The following EVL variants were observed in gnomAD, a reference collection of about 807,000 sequenced individuals.
EVL encodes Enah/Vasp-like.
In EVL, 21 loss-of-function variants were observed where a neutral mutation model predicts 59.6. That is an observed-to-expected ratio of 0.35 (90% CI 0.25 to 0.51). The LOEUF (loss-of-function observed/expected upper bound fraction) is 0.51, where lower values mean the gene tolerates loss of function less well. EVL is among the 20% of genes least tolerant of loss of function. EVL has a pLI of 0.97. For synonymous variants in EVL, 198 were observed against 203.5 expected (o/e 0.97, Z 0.23); for missense variants, 462 against 546.6 (o/e 0.85, Z 1.54).
intron 3 of EVL, among the ~76,000 whole-genome samples, chr14:100,121,548 C>T (rs1264536904): frequency 6.6e-6 from 1 of 152,234 alleles, no homozygotes; most frequent in Non-Finnish European, 1.5e-5. Context: ...CAAGTGTTAT[C>T]CTTTCCTGCT....
intron 1 of EVL, among the ~76,000 whole-genome samples, chr14:99,980,363 T>A (rs1222487175): frequency 1.3e-5 from 2 of 152,220 alleles, no homozygotes; most frequent in Non-Finnish European, 2.9e-5. Flanking sequence ...TGCATGGTTG[T>A]GGCTGGTAAT....
chr14:100,048,981 G>A (rs930792154), intron 1 of EVL, among the ~76,000 whole-genome samples: 2 of 152,174 alleles, frequency 1.3e-5, no homozygotes, highest in African/African-American at 4.8e-5. Flanking sequence ...GAGCTTGGGA[G>A]TGATGGCACT....
intron 2 of EVL, among the ~76,000 whole-genome samples, chr14:100,091,451 A>G (rs538235009): frequency 1.3e-5 from 2 of 152,306 alleles, no homozygotes; most frequent in East Asian, 3.9e-4. Flanking sequence ...ACAGTGGTCA[A>G]TCGTACCCAT....
chr14:100,096,868 G>A (rs1885849331), intron 2 of EVL: 3 of 152,172 alleles, frequency 2.0e-5, no homozygotes, highest in Admixed American at 6.5e-5. Context: ...TTTTGATTGA[G>A]TAATAAGATA....
intron 1 of EVL, among the ~76,000 whole-genome samples, chr14:100,046,487 C>T (rs1404741321): frequency 3.3e-5 from 5 of 152,022 alleles, no homozygotes; most frequent in South Asian, 2.1e-4. Flanking sequence ...GCTGACATGG[C>T]GAAACCCTCT....
rs143796115 is a variant in EVL at position 100,054,520 on chromosome 14, G to A, written c.6-30167G>A. Among the ~76,000 whole-genome samples the A allele has an allele frequency of 1.6e-3, 248 of 152,160 alleles. 1 individual carries two copies. The highest frequency in any genetic ancestry group is 5.6e-3 in the African/African-American group (232 of 41,490). Reference sequence around the variant, plus strand: ...CCCAGCCACTTCCTTTATCTGATGCGCACACACCAAGCCAATATTTCCCCT... The same window carrying A: ...CCCAGCCACTTCCTTTATCTGATGCACACACACCAAGCCAATATTTCCCCT... On this transcript the variant is annotated intron_variant, in intron 1 of 13. Coordinates refer to the EVL transcript ENST00000402714.
In EVL at chr14:100,127,864, C is replaced by T. The variant is rs1888178193; in HGVS notation, c.488-655C>T. ...AGTCCTCCATCTGCGTTTACCTCTGCGATTCGTTGACTGTTCCTCATAGGC... is the reference window on the plus strand; with the variant it reads ...AGTCCTCCATCTGCGTTTACCTCTGTGATTCGTTGACTGTTCCTCATAGGC... On this transcript the variant is annotated intron_variant, in intron 5 of 13. Coordinates refer to ENST00000392920, the MANE Select transcript of EVL (RefSeq NM_016337.3). The surrounding 1 kb of genome is among the most constrained non-coding windows in gnomAD (Gnocchi z 4.2). Among the ~76,000 whole-genome samples the T allele has an allele frequency of 6.6e-6, 1 of 152,230 alleles. No individual in the cohort carries two copies. The highest frequency in any genetic ancestry group is 1.5e-5 in the Non-Finnish European group (1 of 68,042).
intron 1 of EVL, among the ~76,000 whole-genome samples, chr14:100,057,888 T>C (rs1395622022): frequency 1.3e-5 from 2 of 152,218 alleles, no homozygotes; most frequent in African/African-American, 4.8e-5. Flanking sequence ...GTAACTAATT[T>C]TGGGTAGCCA....
chr14:100,052,435 A>G (rs1397534344), intron 1 of EVL, among the ~76,000 whole-genome samples: 1 of 152,182 alleles, frequency 6.6e-6, no homozygotes, highest in African/African-American at 2.4e-5. Context: ...TTACCTTGAA[A>G]AATTGTAGAT....
At position 100,136,000 on chromosome 14, in the gene EVL, G is replaced by C. The variant is rs75013122; in HGVS notation, c.964+32G>C. The C allele has an allele frequency of 6.7e-3, 10,775 of 1,611,988 alleles. 47 individuals are homozygous for C. Among genetic ancestry groups the C allele is most frequent in the Non-Finnish European group, 8.1e-3 (9,552 of 1,179,142 alleles). On this transcript the variant is annotated intron_variant, in intron 9 of 13. Transcript: ENST00000392920. ...GGGCGCCCCCCGCTGACCCCAGTGA[G>C]GCATGAGGTCTCAGAGTGGGAGGGG...
At chr14:100,090,995 TAATA>T (rs1219794354) in intron 2 of EVL, among the ~76,000 whole-genome samples, 1 of 152,108 alleles carries the variant, frequency 6.6e-6, no homozygotes, top group Non-Finnish European at 1.5e-5. Flanking sequence ...AGTAATATAA[TAATA>T]TATACTAATA....
intron 3 of EVL, among the ~76,000 whole-genome samples, chr14:100,104,266 G>T (rs1886419838): frequency 6.6e-6 from 1 of 152,212 alleles, no homozygotes. Context: ...GATGGTGGTG[G>T]TTTAAATCTT....
intron 1 of EVL, among the ~76,000 whole-genome samples, chr14:99,981,836 A>G (rs2140170993): frequency 6.6e-6 from 1 of 152,368 alleles, no homozygotes; most frequent in Admixed American, 6.5e-5. Context: ...GGCAGTTGCT[A>G]CAAACCTTCA....
Position 100,109,599 on chromosome 14 carries a change from T to C in EVL, c.358+11941T>C. 4.0e-6 allele frequency: 2 copies of C among 498,192 alleles called. No homozygotes were observed. Among genetic ancestry groups the C allele is most frequent in the African/African-American group, 1.9e-5 (1 of 51,652 alleles). 30.9% of individuals were successfully genotyped at this position (498,192 alleles called of 1,614,324 possible). ...CCTGGCACTTCCTGCCATTGCATCC[T>C]TCTCTGCAGACTAAGATGGAGTTCC... is the stretch of plus-strand genomic sequence containing the variant. On this transcript the variant is annotated intron_variant, in intron 3 of 13. Coordinates refer to ENST00000392920, the MANE Select transcript of EVL (RefSeq NM_016337.3). This position sits in a 1 kb window ranked among gnomAD's most constrained non-coding sequence, Gnocchi z 4.3.
chr14:100,043,907 C>T (rs1019585749), intron 1 of EVL, among the ~76,000 whole-genome samples: 1 of 151,772 alleles, frequency 6.6e-6, no homozygotes, highest in African/African-American at 2.4e-5. Flanking sequence ...TATCTGGGCC[C>T]CCAGTTGTAT....
intron 3 of EVL, among the ~76,000 whole-genome samples, chr14:100,121,842 C>A (rs576100709): frequency 6.6e-6 from 1 of 152,216 alleles, no homozygotes; most frequent in East Asian, 1.9e-4. Context: ...AAGGATCTTG[C>A]GACAGCTGGT....
At chr14:100,071,001 C>T (rs768116122) in intron 1 of EVL, among the ~76,000 whole-genome samples, 2 of 152,144 alleles carry the variant, frequency 1.3e-5, no homozygotes, top group Non-Finnish European at 2.9e-5. Flanking sequence ...GAGACAGGGT[C>T]AGTCTAGGAA....
At chr14:100,034,412 A>G (rs1393024049) in intron 1 of EVL, among the ~76,000 whole-genome samples, 4 of 152,102 alleles carry the variant, frequency 2.6e-5, no homozygotes, top group African/African-American at 4.8e-5. Context: ...CATTCTAGAA[A>G]ACACTGCTTG....
intron 2 of EVL, among the ~76,000 whole-genome samples, chr14:100,095,427 A>G (rs944133278): frequency 1.3e-5 from 2 of 152,226 alleles, no homozygotes; most frequent in Admixed American, 6.5e-5. Flanking sequence ...AATGTGTCCT[A>G]TAATCTAAAG....
Sources: gnomAD v4.1 joint callset for allele counts (sites outside exome capture counted in the v4.1 genomes callset) on GRCh38, gnomAD v4.1.1 for gene constraint, Gnocchi (gnomAD v3.1) non-coding constraint, MANE v1.5 for transcripts, NCBI Gene and HGNC (gene_info 2026-07-23, HGNC 2026-07-21) for gene names.